ASTN2: variants seen among roughly 807,000 people sequenced by gnomAD.
ASTN2 encodes astrotactin-2.
Under a neutral mutation model 139.8 loss-of-function variants are expected in ASTN2, and 54 were observed. The observed-to-expected ratio is 0.39, with a 90% CI of 0.31 to 0.48. ASTN2 has a LOEUF of 0.48. Ranked by LOEUF, ASTN2 falls within the 20% of genes least tolerant of loss-of-function variation. The probability of loss-of-function intolerance (pLI) is 0.95; values close to 1 mark genes in which losing one functional copy is unlikely to be tolerated. For missense variants in ASTN2, 1,565 were observed against 1,725.1 expected, an observed-to-expected ratio of 0.91 and a Z score of 1.64; for synonymous variants, 756 against 719.5, an observed-to-expected ratio of 1.05 and a Z score of -0.81.
intron 19 of ASTN2, among the ~76,000 whole-genome samples, chr9:116,600,854 C>A (rs990046490): frequency 6.6e-6 from 1 of 152,098 alleles, no homozygotes; most frequent in African/African-American, 2.4e-5. Context: ...TCCATCCCAC[C>A]CGCCCCTCAA....
At chr9:116,790,968 AAAG>A (rs1334130698) in intron 13 of ASTN2, among the ~76,000 whole-genome samples, 207 of 17,500 alleles carry the variant, frequency 0.012, no homozygotes, top group African/African-American at 0.029. Flanking sequence ...AGAAAGAAGG[AAAG>A]AAAGAAAGAA....
At chr9:116,647,964 T>C (rs1233767576) in intron 17 of ASTN2, among the ~76,000 whole-genome samples, 3 of 151,624 alleles carry the variant, frequency 2.0e-5, no homozygotes, top group African/African-American at 4.8e-5. Context: ...AGTAGCTGGA[T>C]GACAGGTGTG....
intron 2 of ASTN2, among the ~76,000 whole-genome samples, chr9:117,265,517 G>A (rs1253863941): frequency 3.9e-5 from 6 of 152,220 alleles, no homozygotes; most frequent in African/African-American, 7.2e-5. Flanking sequence ...AGTCAAGCCA[G>A]CATTCATGGA....
At chr9:116,503,054 G>A (rs550098583) in intron 19 of ASTN2, among the ~76,000 whole-genome samples, 4 of 147,250 alleles carry the variant, frequency 2.7e-5, no homozygotes, top group Admixed American at 6.8e-5. Context: ...AGAAGGGAAG[G>A]AAGAAAGGAA....
At chr9:116,481,590 T>TA (rs1206967746) in intron 20 of ASTN2, among the ~76,000 whole-genome samples, 1 of 152,206 alleles carries the variant, frequency 6.6e-6, no homozygotes, top group African/African-American at 2.4e-5. Flanking sequence ...GTGGCACTGA[T>TA]AACCCTTCAC....
intron 2 of ASTN2, among the ~76,000 whole-genome samples, chr9:117,290,775 C>T (rs554019975): frequency 6.6e-6 from 1 of 152,302 alleles, no homozygotes; most frequent in African/African-American, 2.4e-5. Context: ...TTCTTTGCCC[C>T]TCAGCCACAG....
intron 5 of ASTN2, among the ~76,000 whole-genome samples, chr9:117,053,084 G>A (rs1298792378): frequency 3.3e-5 from 5 of 152,212 alleles, no homozygotes; most frequent in African/African-American, 1.2e-4. Context: ...TATATGAGAA[G>A]CTATTGTGAA....
At chr9:116,553,740 T>C (rs1480984194) in intron 19 of ASTN2, among the ~76,000 whole-genome samples, 1 of 152,176 alleles carries the variant, frequency 6.6e-6, no homozygotes, top group Non-Finnish European at 1.5e-5. Context: ...CCTAGCCACA[T>C]TGCCAGTACT....
At chr9:116,562,713 A>G (rs1045846671) in intron 19 of ASTN2, among the ~76,000 whole-genome samples, 2 of 142,788 alleles carry the variant, frequency 1.4e-5, no homozygotes, top group African/African-American at 5.3e-5. Context: ...CCTGGGTGAC[A>G]GTGCGAGTGA....
chr9:117,315,311 T>A (rs1352866740), intron 1 of ASTN2, among the ~76,000 whole-genome samples: 1 of 152,242 alleles, frequency 6.6e-6, no homozygotes, highest in Non-Finnish European at 1.5e-5. Flanking sequence ...GCCGTGCCTA[T>A]TTTCCAGTTT....
intron 19 of ASTN2, among the ~76,000 whole-genome samples, chr9:116,599,581 G>C (rs1359836160): frequency 6.6e-6 from 1 of 152,132 alleles, no homozygotes; most frequent in Non-Finnish European, 1.5e-5. Flanking sequence ...TGTGTTTTGA[G>C]AAACACTGGT....
chr9:116,632,085 C>G (rs35910339), intron 17 of ASTN2, among the ~76,000 whole-genome samples: 112,949 of 146,628 alleles, frequency 0.77, 44,128 homozygotes, highest in African/African-American at 0.89. Flanking sequence ...CTGCCCTCCA[C>G]ACTGGTGATA....
intron 10 of ASTN2, among the ~76,000 whole-genome samples, chr9:116,893,546 C>T (rs1403417216): frequency 6.6e-6 from 1 of 152,076 alleles, no homozygotes; most frequent in African/African-American, 2.4e-5. Flanking sequence ...AGTTGTAAAC[C>T]GAGATGCTAG....
intron 1 of ASTN2, among the ~76,000 whole-genome samples, chr9:117,328,789 G>A (rs1828603869): frequency 6.6e-6 from 1 of 152,180 alleles, no homozygotes; most frequent in Non-Finnish European, 1.5e-5. Context: ...CCCAGCCAGA[G>A]TGCCACAGAG....
intron 13 of ASTN2, among the ~76,000 whole-genome samples, chr9:116,733,842 A>C (rs1007802829): frequency 2.0e-5 from 3 of 152,186 alleles, no homozygotes; most frequent in Non-Finnish European, 4.4e-5. Context: ...TAAGCACTTA[A>C]TGGGAAAAAC....
intron 17 of ASTN2, among the ~76,000 whole-genome samples, chr9:116,640,015 G>A (rs769516263): frequency 8.6e-5 from 13 of 151,988 alleles, no homozygotes; most frequent in Non-Finnish European, 1.3e-4. Flanking sequence ...ACTAAAAGTT[G>A]GTGTAGTACC....
At chr9:116,984,204 A>G (rs1836608335) in intron 7 of ASTN2, among the ~76,000 whole-genome samples, 1 of 152,186 alleles carries the variant, frequency 6.6e-6, no homozygotes, top group South Asian at 2.1e-4. Flanking sequence ...CTTCTCTGCC[A>G]CTGGCCTGGT....
At chr9:116,713,411 G>C (rs1421668903) in intron 16 of ASTN2, among the ~76,000 whole-genome samples, 1 of 152,068 alleles carries the variant, frequency 6.6e-6, no homozygotes, top group Non-Finnish European at 1.5e-5. Flanking sequence ...ATGTATCAAT[G>C]GTGAAGTTGA....
At chr9:116,519,551 A>G (rs1223321174) in intron 19 of ASTN2, among the ~76,000 whole-genome samples, 1 of 152,156 alleles carries the variant, frequency 6.6e-6, no homozygotes, top group East Asian at 1.9e-4. Context: ...GCCTACATCA[A>G]AAGTCTGAAA....
Sources: gnomAD v4.1 joint callset for allele counts (sites outside exome capture counted in the v4.1 genomes callset) on GRCh38, gnomAD v4.1.1 for gene constraint, MANE v1.5 for transcripts, NCBI Gene and HGNC (gene_info 2026-07-23, HGNC 2026-07-21) for gene names.